KIF5C: variants seen among roughly 807,000 people sequenced by gnomAD.
KIF5C encodes kinesin family member 5C, also known as kinesin heavy chain isoform 5C.
In KIF5C, 18 loss-of-function variants were observed where a neutral mutation model predicts 125.2. That is an observed-to-expected ratio of 0.14 (90% CI 0.10 to 0.21). The LOEUF is 0.21. Among genes scored for constraint, KIF5C ranks in the 10% least tolerant of loss-of-function variants. The pLI, the probability that KIF5C is intolerant of heterozygous loss-of-function variation, is 1.00. For missense variants in KIF5C, 780 were observed against 1,183.8 expected, an observed-to-expected ratio of 0.66 and a Z score of 5.01; for synonymous variants, 405 against 434.0, an observed-to-expected ratio of 0.93 and a Z score of 0.83.
intron 23 of KIF5C, 63 bp downstream of exon 23, chr2:149,008,130 G>C: frequency 6.5e-7 from 1 of 1,531,100 alleles, no homozygotes; most frequent in South Asian, 1.3e-5. Context: ...AGCCCCACCA[G>C]GTTTGGCCAC....
rs1393746553 is a variant in KIF5C, at chr2:148,955,083, T to TCTCCCTCCTGCC, written c.968+4631_968+4642dup. On this transcript the variant is annotated intron_variant, in intron 10 of 25. Transcript: ENST00000435030. Reference sequence around the variant, plus strand: ...TTTTTAAAGACACAAAATTTTCATTTCTCCCTCCTGCCCTCCCTCCTTCCC... The same window carrying TCTCCCTCCTGCC: ...TTTTTAAAGACACAAAATTTTCATTTCTCCCTCCTGCCCTCCCTCCTGCCCTCCCTCCTTCCC... 2.0e-5 allele frequency among the ~76,000 whole-genome samples: 3 copies of TCTCCCTCCTGCC among 152,190 alleles called. No individual in the cohort carries two copies. In the East Asian group the frequency reaches 5.8e-4, roughly 29 times the overall value.
At chr2:148,899,476 T>A (rs749809232) in intron 1 of KIF5C, among the ~76,000 whole-genome samples, 68 of 151,510 alleles carry the variant, frequency 4.5e-4, no homozygotes, top group Non-Finnish European at 7.8e-4. Flanking sequence ...CTGAGGAGGG[T>A]GAATCACCTA....
At chr2:148,997,684 A>G (rs1329872652) in intron 18 of KIF5C, 4 of 267,930 alleles carry the variant, frequency 1.5e-5, no homozygotes, top group Admixed American at 5.0e-5. Flanking sequence ...TACGCAGAAC[A>G]CACCAAATTT....
chr2:148,983,828 T>G, intron 15 of KIF5C, 62 bp downstream of exon 15: 1 of 1,481,220 alleles, frequency 6.8e-7, no homozygotes, highest in Non-Finnish European at 9.0e-7. Flanking sequence ...GGTCTGTGCT[T>G]TACTCTTTTA....
At chr2:149,021,063 T>G (rs1478710778) in intron 25 of KIF5C, among the ~76,000 whole-genome samples, 1 of 152,110 alleles carries the variant, frequency 6.6e-6, no homozygotes, top group Non-Finnish European at 1.5e-5. Flanking sequence ...GTGGTTTTGT[T>G]TTTGTTTTTG....
chr2:148,908,377 C>A (rs767079944), intron 1 of KIF5C, among the ~76,000 whole-genome samples: 2 of 152,160 alleles, frequency 1.3e-5, no homozygotes, highest in Non-Finnish European at 2.9e-5. Flanking sequence ...TAAAAAATAT[C>A]CTGAATATGC....
At chr2:148,899,702 CAAAA>C (rs771196518) in intron 1 of KIF5C, among the ~76,000 whole-genome samples, 4 of 46,080 alleles carry the variant, frequency 8.7e-5, no homozygotes, top group Admixed American at 2.1e-4. Context: ...AACTCCATCT[CAAAA>C]AAAAAAAAAA....
At chr2:149,010,079 T>C (rs1293830893) in intron 23 of KIF5C, 56 bp from the exon 24 acceptor site, 85 of 1,495,866 alleles carry the variant, frequency 5.7e-5, no homozygotes, top group Non-Finnish European at 7.1e-5. Flanking sequence ...GCTGCTCTGG[T>C]TTGTGCAATG....
intron 23 of KIF5C, among the ~76,000 whole-genome samples, chr2:149,009,156 A>C (rs1682105961): frequency 6.6e-6 from 1 of 151,156 alleles, no homozygotes. Flanking sequence ...CTCCTGGCTA[A>C]TTTTTTTGTA....
At chr2:148,882,497 A>G (rs908313512) in intron 1 of KIF5C, among the ~76,000 whole-genome samples, 2 of 152,078 alleles carry the variant, frequency 1.3e-5, no homozygotes, top group Non-Finnish European at 2.9e-5. Flanking sequence ...GGCCCTCCAT[A>G]CTGTGGGCCT....
At chr2:149,007,785 A>G (rs1024939994) in intron 22 of KIF5C, among the ~76,000 whole-genome samples, 178 bp from the exon 23 acceptor site, 1 of 151,870 alleles carries the variant, frequency 6.6e-6, no homozygotes, top group Non-Finnish European at 1.5e-5. Flanking sequence ...ATCGCTTTTC[A>G]TACTAATAAG....
chr2:148,974,168 G>C (rs1367142644), intron 12 of KIF5C, among the ~76,000 whole-genome samples: 3 of 152,214 alleles, frequency 2.0e-5, no homozygotes, highest in Non-Finnish European at 4.4e-5. Flanking sequence ...TCAATTAAAG[G>C]TTGGGTTAGG....
intron 1 of KIF5C, among the ~76,000 whole-genome samples, chr2:148,906,290 C>T (rs1681105205): frequency 6.6e-6 from 1 of 152,148 alleles, no homozygotes; most frequent in Non-Finnish European, 1.5e-5. Flanking sequence ...GGGAACCAGG[C>T]TGTGAAAGTG....
intron 17 of KIF5C, among the ~76,000 whole-genome samples, chr2:148,995,251 G>C (rs1681633729): frequency 6.6e-6 from 1 of 152,206 alleles, no homozygotes; most frequent in Admixed American, 6.5e-5. Flanking sequence ...GGCATCCTGA[G>C]GGATGATTCT....
At chr2:148,882,101 TATC>T (rs1396357784) in intron 1 of KIF5C, among the ~76,000 whole-genome samples, 1 of 152,176 alleles carries the variant, frequency 6.6e-6, no homozygotes, top group African/African-American at 2.4e-5. Flanking sequence ...TGTTTGTAAA[TATC>T]ATGGAGAACT....
At chr2:148,937,522 T>A (rs1682315601) in intron 4 of KIF5C, 134 bp downstream of exon 4, 3 of 1,269,458 alleles carry the variant, frequency 2.4e-6, no homozygotes, top group Non-Finnish European at 3.1e-6. Flanking sequence ...CAGAGCCCTC[T>A]TTATTAGTGA....
intron 18 of KIF5C, chr2:148,998,198 G>T: frequency 2.5e-6 from 2 of 814,140 alleles, no homozygotes; most frequent in Non-Finnish European, 3.8e-6. Context: ...GGGCCAACTT[G>T]GTTTGATAAC....
chr2:148,912,068 ATTG>A (rs1681362026), intron 1 of KIF5C, among the ~76,000 whole-genome samples: 1 of 152,236 alleles, frequency 6.6e-6, no homozygotes, highest in African/African-American at 2.4e-5. Flanking sequence ...TGATAAGCTA[ATTG>A]CTGCTCCTAG....
intron 1 of KIF5C, among the ~76,000 whole-genome samples, chr2:148,905,493 T>A (rs936938608): frequency 2.6e-5 from 4 of 152,172 alleles, no homozygotes; most frequent in African/African-American, 9.7e-5. Flanking sequence ...CTGCTTCCCA[T>A]TTAGCAAAAA....
Sources: gnomAD v4.1 joint callset for allele counts (sites outside exome capture counted in the v4.1 genomes callset) on GRCh38, gnomAD v4.1.1 for gene constraint, MANE v1.5 for transcripts, NCBI Gene and HGNC (gene_info 2026-07-23, HGNC 2026-07-21) for gene names.